GALNT16: variants seen among roughly 807,000 people sequenced by gnomAD.
GALNT16 encodes polypeptide N-acetylgalactosaminyltransferase 16, also known as UDP-GalNAc:polypeptide N-acetylgalactosaminyltransferase-like protein 1.
A neutral mutation model predicts 76.1 loss-of-function variants in GALNT16; 40 were observed. The ratio of observed to expected loss-of-function variants is 0.53; its 90% CI spans 0.41 to 0.68. The LOEUF (loss-of-function observed/expected upper bound fraction) is 0.68. Among genes scored for constraint, GALNT16 ranks in the 30% least tolerant of loss-of-function variants. GALNT16 has a pLI of 0.00. For missense variants in GALNT16, 621 were observed against 731.9 expected (o/e 0.85, Z 1.75); for synonymous variants, 276 against 285.2 (o/e 0.97, Z 0.32).
chr14:69,312,053 AAATCTGTCT>A (rs1312976907), intron 1 of GALNT16, among the ~76,000 whole-genome samples: 105 of 127,806 alleles, frequency 8.2e-4, no homozygotes, highest in African/African-American at 2.1e-3. Flanking sequence ...AAAAAAAAAA[AAATCTGTCT>A]ATCTATCTAT....
In GALNT16 at chr14:69,320,707, T is replaced by C. The variant is rs963646856; in HGVS notation, c.178-4T>C. ...GTCCTCTCTGATGCTGACCTTCATCTCAGGTGACAGGAACTCCCTCGAAAG... is the reference window on the plus strand; with the variant it reads ...GTCCTCTCTGATGCTGACCTTCATCCCAGGTGACAGGAACTCCCTCGAAAG... On this transcript the variant is annotated splice_polypyrimidine_tract_variant and splice_region_variant and intron_variant, in intron 1 of 14. Coordinates refer to ENST00000448469, the MANE Select transcript of GALNT16 (RefSeq NM_001168368.2). 1 of 1,613,212 alleles carries C rather than the reference T, an allele frequency of 6.2e-7. No homozygotes were observed. Among genetic ancestry groups the C allele is most frequent in the Non-Finnish European group, 8.5e-7 (1 of 1,179,516 alleles).
chr14:69,366,294 C>T, the GALNT16 span, among the ~76,000 whole-genome samples: 1 of 152,164 alleles, frequency 6.6e-6, no homozygotes, highest in Admixed American at 6.5e-5. Flanking sequence ...ATGGCCCCCT[C>T]CCTACCTATC....
intron 1 of GALNT16, among the ~76,000 whole-genome samples, chr14:69,309,760 C>T (rs554313012): frequency 7.2e-5 from 11 of 152,122 alleles, no homozygotes; most frequent in South Asian, 2.1e-4. Flanking sequence ...TTTTTCCCAA[C>T]GTGATGTTTG....
rs373393563 is a variant in GALNT16, at chr14:69,317,442, C to T, written c.178-3269C>T. Among the ~76,000 whole-genome samples the T allele has an allele frequency of 3.2e-4, 48 of 152,298 alleles. 1 individual carries two copies. In the South Asian group the frequency reaches 9.9e-3, roughly 32 times the overall value. On this transcript the variant is annotated intron_variant, in intron 1 of 14. Transcript: ENST00000448469. ...TTCTTTCTGATCCTCCATGGCCAAG[C>T]CTGGCATGGGATGGGGCATGAAAGG... is the stretch of plus-strand genomic sequence containing the variant.
intron 1 of GALNT16, among the ~76,000 whole-genome samples, chr14:69,309,565 G>A (rs1343824440): frequency 6.6e-6 from 1 of 152,002 alleles, no homozygotes; most frequent in African/African-American, 2.4e-5. Flanking sequence ...TCCTGCCTTG[G>A]CCTCCCAAAG....
intron 1 of GALNT16, among the ~76,000 whole-genome samples, chr14:69,318,290 T>G (rs2045130494): frequency 6.6e-6 from 1 of 152,196 alleles, no homozygotes; most frequent in Non-Finnish European, 1.5e-5. Flanking sequence ...TAACTCAATT[T>G]CGAGGCCTTG....
intron 1 of GALNT16, among the ~76,000 whole-genome samples, chr14:69,288,789 C>T (rs574838584): frequency 3.7e-4 from 56 of 152,320 alleles, no homozygotes; most frequent in African/African-American, 1.3e-3. Context: ...GAAAAACCAA[C>T]ACCTGGAGAA....
chr14:69,260,455 C>T lies in GALNT16; in HGVS notation c.165C>T (p.Thr55=). ...CGGAGCAGCTCCGCGAGGACCGCACCATCCCGCTCATTGTGAGTACGCCCC... is the reference window on the plus strand; with the variant it reads ...CGGAGCAGCTCCGCGAGGACCGCACTATCCCGCTCATTGTGAGTACGCCCC... ...RRSEQLREDR[T]IPLIVTGTPS... Residue 55 remains threonine, a synonymous_variant, in exon 1 of 15, where the codon ACC becomes ACT. Transcript: ENST00000448469. 6.5e-7 allele frequency: 1 copy of T among 1,528,008 alleles called. No homozygotes were observed. Among genetic ancestry groups the T allele is most frequent in the Non-Finnish European group, 8.8e-7 (1 of 1,138,302 alleles). The allele number at this position is 1,528,008 out of a possible 1,614,324, so 94.7% of individuals were successfully genotyped here.
Position 69,260,396 on chromosome 14 carries a change from G to A in GALNT16, c.106G>A (p.Gly36Ser). ...QDNRAHAASSGGRGAQRAGRR... is the reference protein window; with the variant it reads ...QDNRAHAASSSGRGAQRAGRR... ...CAACCGAGCCCACGCAGCATCCTCCGGCGGCCGGGGCGCGCAGAGGGCAGG... is the reference window on the plus strand; with the variant it reads ...CAACCGAGCCCACGCAGCATCCTCCAGCGGCCGGGGCGCGCAGAGGGCAGG... Residue 36 changes from glycine (G) to serine (S), a missense_variant, in exon 1 of 15, where the codon GGC becomes AGC. Transcript: ENST00000448469. 6 of 1,605,220 alleles carry A rather than the reference G, an allele frequency of 3.7e-6. No homozygotes were observed. Among genetic ancestry groups the A allele is most frequent in the Non-Finnish European group, 3.4e-6 (4 of 1,175,706 alleles).
intron 10 of GALNT16, 130 bp downstream of exon 10, chr14:69,338,907 C>T: frequency 1.6e-5 from 11 of 698,726 alleles, no homozygotes; most frequent in Non-Finnish European, 1.9e-5. Flanking sequence ...CCCCATTTGC[C>T]CCCTCTGGTA....
At chr14:69,311,818 T>G (rs182597245) in intron 1 of GALNT16, among the ~76,000 whole-genome samples, 5 of 152,172 alleles carry the variant, frequency 3.3e-5, no homozygotes, top group African/African-American at 1.2e-4. Context: ...CCGACCTCAG[T>G]TGGTGGGGCA....
chr14:69,322,983 C>CGT (rs2045222730), intron 2 of GALNT16, among the ~76,000 whole-genome samples: 3 of 45,522 alleles, frequency 6.6e-5, no homozygotes, highest in South Asian at 7.1e-4. Context: ...TGTGTGTGTG[C>CGT]GCGCGCACGC....
intron 1 of GALNT16, among the ~76,000 whole-genome samples, chr14:69,262,156 C>A (rs1025686360): frequency 1.3e-5 from 2 of 152,172 alleles, no homozygotes; most frequent in African/African-American, 4.8e-5. Context: ...CTCTGTCCCT[C>A]TTTCTGGTGA....
Position 69,341,600 on chromosome 14 carries a change from G to C in GALNT16, c.1188-81G>C, listed in dbSNP as rs543641081. On this transcript the variant is annotated intron_variant, in intron 11 of 14. Transcript: ENST00000448469. Reference sequence around the variant, plus strand: ...TTGCCTGCCTGAGATAGTTGGGGCTGGGGGACAGGCCTCTGGCATCCTCCC... The same window carrying C: ...TTGCCTGCCTGAGATAGTTGGGGCTCGGGGACAGGCCTCTGGCATCCTCCC... The C allele has an allele frequency of 2.4e-4, 212 of 865,396 alleles. 1 individual carries two copies. The African/African-American group carries it at 3.0e-3, about 12-fold the overall frequency. 53.6% of individuals were successfully genotyped at this position (865,396 alleles called of 1,614,324 possible).
the GALNT16 span, chr14:69,380,709 T>C: frequency 1.2e-6 from 1 of 848,064 alleles, no homozygotes; most frequent in African/African-American, 1.7e-5. Context: ...ATCCCCAAAT[T>C]ATAACTGCCC....
At chr14:69,360,495 C>T (rs1485554780), downstream of GALNT16, among the ~76,000 whole-genome samples, 1 of 150,762 alleles carries the variant, frequency 6.6e-6, no homozygotes, top group African/African-American at 2.4e-5. Context: ...GGGCATGATG[C>T]CCAGTGCCTG....
intron 1 of GALNT16, among the ~76,000 whole-genome samples, chr14:69,280,353 T>C (rs533069919): frequency 6.6e-6 from 1 of 152,242 alleles, no homozygotes; most frequent in Non-Finnish European, 1.5e-5. Flanking sequence ...TCATCCATGT[T>C]GTAGCATGTG....
In GALNT16 at chr14:69,352,886, C is replaced by T. The variant is rs374255437; in HGVS notation, c.*718C>T. On this transcript the variant is annotated 3_prime_UTR_variant, in exon 15 of 15. Transcript: ENST00000448469. ...TACCAGCCCCAGGGTCTGAGCCCGACGCTGCCTCTTCCGGTCCTGTGCCTG... is the reference window on the plus strand; with the variant it reads ...TACCAGCCCCAGGGTCTGAGCCCGATGCTGCCTCTTCCGGTCCTGTGCCTG... Among the ~76,000 whole-genome samples, 17 of 152,216 alleles carry T rather than the reference C, an allele frequency of 1.1e-4. No individual in the cohort carries two copies. The highest frequency in any genetic ancestry group is 1.8e-4 in the Non-Finnish European group (12 of 68,024).
Position 69,354,107 on chromosome 14 carries a change from C to T in GALNT16, c.*1939C>T, listed in dbSNP as rs1594874651. 6.5e-6 allele frequency: 1 copy of T among 153,036 alleles called. No homozygotes were observed. The highest frequency in any genetic ancestry group is 1.5e-5 in the Non-Finnish European group (1 of 68,278). The allele number at this position is 153,036 out of a possible 1,614,324, so 9.5% of individuals were successfully genotyped here. ...CAGGTGCAGCCTCAGATCCCCTGTT[C>T]ATCTGGGAAGCCTCCTGCCACAGCT... On this transcript the variant is annotated 3_prime_UTR_variant, in exon 15 of 15. Transcript: ENST00000448469.
Sources: gnomAD v4.1 joint callset for allele counts (sites outside exome capture counted in the v4.1 genomes callset) on GRCh38, gnomAD v4.1.1 for gene constraint, MANE v1.5 for transcripts, NCBI Gene and HGNC (gene_info 2026-07-23, HGNC 2026-07-21) for gene names.